Variants in GALNT13 observed in about 807,000 individuals in gnomAD.
The protein encoded by GALNT13 is UDP-GalNAc:polypeptide N-acetylgalactosaminyltransferase 13.
A neutral mutation model predicts 64.2 loss-of-function variants in GALNT13; 28 were observed. The ratio of observed to expected loss-of-function variants is 0.44; its 90% CI spans 0.32 to 0.60. GALNT13 has a LOEUF of 0.60. GALNT13 is among the 20% of genes least tolerant of loss of function. The probability of loss-of-function intolerance (pLI) is 0.05; values close to 1 mark genes in which losing one functional copy is unlikely to be tolerated. For synonymous variants in GALNT13, 214 were observed against 224.6 expected, an observed-to-expected ratio of 0.95 and a Z score of 0.42; for missense variants, 577 against 669.8, an observed-to-expected ratio of 0.86 and a Z score of 1.53.
chr2:153,884,734 C>T (rs891719977), intron 1 of GALNT13, among the ~76,000 whole-genome samples: 3 of 146,160 alleles, frequency 2.1e-5, no homozygotes, highest in Non-Finnish European at 4.5e-5. Context: ...GCCTGGCCAA[C>T]ATGGTGAAAC....
In GALNT13 at chr2:153,969,265, A is replaced by G. The variant is rs919838437; in HGVS notation, c.142+24626A>G. Among the ~76,000 whole-genome samples, 3 of 152,090 alleles carry G rather than the reference A, an allele frequency of 2.0e-5. No individual in the cohort carries two copies. In the East Asian group the frequency reaches 5.8e-4, roughly 29 times the overall value. On this transcript the variant is annotated intron_variant, in intron 3 of 12. Transcript: ENST00000392825. ...CCTCTAGAGAAAAATATTAATATACACACCCCATAATTTACCTGAAGTTAA... is the reference window on the plus strand; with the variant it reads ...CCTCTAGAGAAAAATATTAATATACGCACCCCATAATTTACCTGAAGTTAA...
the GALNT13 span, among the ~76,000 whole-genome samples, chr2:153,192,325 T>C: frequency 6.6e-6 from 1 of 152,166 alleles, no homozygotes; most frequent in Non-Finnish European, 1.5e-5. Flanking sequence ...TTGCTTAATT[T>C]TCATGTATTT....
the GALNT13 span, among the ~76,000 whole-genome samples, chr2:153,265,383 A>G: frequency 6.6e-6 from 1 of 152,118 alleles, no homozygotes; most frequent in African/African-American, 2.4e-5. Context: ...CTGACTAGGG[A>G]TGACCTAAAT....
chr2:154,080,163 A>G (rs183881277), intron 3 of GALNT13, among the ~76,000 whole-genome samples: 1 of 151,716 alleles, frequency 6.6e-6, no homozygotes, highest in African/African-American at 2.4e-5. Flanking sequence ...GTACTGTGGG[A>G]ACCTTTATTT....
the GALNT13 span, among the ~76,000 whole-genome samples, chr2:153,398,593 TG>T: frequency 6.6e-6 from 1 of 152,160 alleles, no homozygotes; most frequent in Non-Finnish European, 1.5e-5. Flanking sequence ...TGTTGTTTCC[TG>T]ACTTTTTAAT....
chr2:153,669,235 C>T, the GALNT13 span, among the ~76,000 whole-genome samples: 2 of 152,186 alleles, frequency 1.3e-5, no homozygotes, highest in African/African-American at 4.8e-5. Context: ...AGCATGCACT[C>T]ATCCATGGCC....
chr2:153,884,321 A>G (rs890209052), intron 1 of GALNT13, among the ~76,000 whole-genome samples: 4 of 151,938 alleles, frequency 2.6e-5, no homozygotes, highest in Admixed American at 6.6e-5. Context: ...TACTTCCCAG[A>G]TTTCCACAGA....
At chr2:153,943,966 T>A (rs571971635) in intron 2 of GALNT13, among the ~76,000 whole-genome samples, 3 of 152,206 alleles carry the variant, frequency 2.0e-5, no homozygotes, top group African/African-American at 4.8e-5. Flanking sequence ...GACCCAGACG[T>A]GTCTGTCTAT....
At chr2:154,292,157 C>T (rs1394584270) in intron 8 of GALNT13, among the ~76,000 whole-genome samples, 1 of 152,004 alleles carries the variant, frequency 6.6e-6, no homozygotes, top group East Asian at 1.9e-4. Context: ...CTGGCATGTA[C>T]GGGTCTTTCA....
chr2:153,397,111 T>C, the GALNT13 span, among the ~76,000 whole-genome samples: 1 of 152,172 alleles, frequency 6.6e-6, no homozygotes, highest in Non-Finnish European at 1.5e-5. Flanking sequence ...TATAAGTATA[T>C]AGTTAGTTAT....
At chr2:154,241,714 C>G (rs1322123469) in intron 4 of GALNT13, among the ~76,000 whole-genome samples, 1 of 152,130 alleles carries the variant, frequency 6.6e-6, no homozygotes, top group Non-Finnish European at 1.5e-5. Context: ...TAAATGAACT[C>G]ATTTGTACCT....
chr2:153,665,439 T>A, the GALNT13 span, among the ~76,000 whole-genome samples: 7 of 152,178 alleles, frequency 4.6e-5, no homozygotes, highest in African/African-American at 1.7e-4. Flanking sequence ...TTATTCCTTA[T>A]TGTCTATTAA....
At chr2:153,074,656 T>C in the GALNT13 span, among the ~76,000 whole-genome samples, 1 of 152,218 alleles carries the variant, frequency 6.6e-6, no homozygotes, top group Non-Finnish European at 1.5e-5. Flanking sequence ...GACCATCATT[T>C]TGCATGGTGT....
chr2:153,151,346 A>C, the GALNT13 span, among the ~76,000 whole-genome samples: 1 of 151,724 alleles, frequency 6.6e-6, no homozygotes, highest in South Asian at 2.1e-4. Context: ...GCTGGAGAGG[A>C]TGTGGAGAAA....
intron 2 of GALNT13, among the ~76,000 whole-genome samples, chr2:153,943,747 G>C (rs1052785180): frequency 6.6e-6 from 1 of 152,202 alleles, no homozygotes; most frequent in South Asian, 2.1e-4. Flanking sequence ...CGCCTGCCTC[G>C]ATCTCTCAAA....
At chr2:153,671,749 A>G in the GALNT13 span, among the ~76,000 whole-genome samples, 1 of 152,232 alleles carries the variant, frequency 6.6e-6, no homozygotes, top group Non-Finnish European at 1.5e-5. Context: ...TAAAAGACAT[A>G]GACTGGCAAA....
the GALNT13 span, among the ~76,000 whole-genome samples, chr2:153,423,793 C>T: frequency 1.3e-5 from 2 of 151,518 alleles, no homozygotes; most frequent in Non-Finnish European, 3.0e-5. Context: ...TGTAGAGATA[C>T]ATTACTTACA....
At chr2:154,331,506 A>G (rs1191399849) in intron 9 of GALNT13, among the ~76,000 whole-genome samples, 3 of 151,784 alleles carry the variant, frequency 2.0e-5, no homozygotes, top group Non-Finnish European at 2.9e-5. Flanking sequence ...GGGTCTCGCC[A>G]TGTTGCTCAG....
At chr2:154,374,199 G>A (rs1431777446) in intron 9 of GALNT13, among the ~76,000 whole-genome samples, 1 of 152,168 alleles carries the variant, frequency 6.6e-6, no homozygotes, top group Admixed American at 6.5e-5. Context: ...ATTGCTGAAA[G>A]CCATTGAGAT....
Sources: allele counts gnomAD v4.1 joint callset (sites outside exome capture counted in the v4.1 genomes callset), GRCh38; gene constraint gnomAD v4.1.1; transcripts MANE v1.5; gene names NCBI Gene and HGNC (gene_info 2026-07-23, HGNC 2026-07-21).